The following DPY19L4 variants were observed in gnomAD, a reference collection of about 807,000 sequenced individuals.
The protein encoded by DPY19L4 is dpy-19 like 4.
DPY19L4 carries 97 observed loss-of-function variants against 102.8 expected under a neutral mutation model. The ratio of observed to expected loss-of-function variants is 0.94; its 90% CI spans 0.80 to 1.12. The LOEUF is 1.12. Ranked by LOEUF, DPY19L4 falls within the 50% of genes most tolerant of loss-of-function variation. The pLI, the probability that DPY19L4 is intolerant of heterozygous loss-of-function variation, is 0.00. For synonymous variants in DPY19L4, 252 were observed against 283.1 expected, an observed-to-expected ratio of 0.89 and a Z score of 1.10; for missense variants, 815 against 850.4, an observed-to-expected ratio of 0.96 and a Z score of 0.52.
At chr8:94,778,501 GATA>G (rs894595140) in intron 14 of DPY19L4, among the ~76,000 whole-genome samples, 2 of 152,068 alleles carry the variant, frequency 1.3e-5, no homozygotes, top group African/African-American at 4.8e-5. Context: ...TGTAAAAACA[GATA>G]ATAAGAATTC....
intron 4 of DPY19L4, among the ~76,000 whole-genome samples, chr8:94,739,124 A>T (rs535876924): frequency 1.3e-5 from 2 of 152,226 alleles, no homozygotes; most frequent in South Asian, 4.1e-4. Flanking sequence ...ATCTAGCTGT[A>T]ATTTTGTATC....
intron 13 of DPY19L4, among the ~76,000 whole-genome samples, chr8:94,776,722 T>TG (rs1229370669): frequency 6.6e-6 from 1 of 151,824 alleles, no homozygotes; most frequent in Non-Finnish European, 1.5e-5. Flanking sequence ...CTCAGCACTT[T>TG]GGGAGGCCAA....
At chr8:94,769,552 T>C (rs1418307824) in intron 12 of DPY19L4, among the ~76,000 whole-genome samples, 1 of 152,180 alleles carries the variant, frequency 6.6e-6, no homozygotes, top group Non-Finnish European at 1.5e-5. Flanking sequence ...ATAAGTAATT[T>C]TAAATTATAA....
chr8:94,726,275 A>T, intron 1 of DPY19L4, 56 bp from the exon 2 acceptor site: 2 of 1,441,226 alleles, frequency 1.4e-6, no homozygotes, highest in African/African-American at 1.4e-5. Flanking sequence ...TTGGCTCAGG[A>T]TACAGATTAA....
intron 13 of DPY19L4, among the ~76,000 whole-genome samples, chr8:94,776,963 CAA>C (rs60781801): frequency 9.5e-5 from 9 of 94,448 alleles, no homozygotes; most frequent in Admixed American, 1.0e-4. Flanking sequence ...GACTCCGCTT[CAA>C]AAAAAAAAAA....
intron 1 of DPY19L4, among the ~76,000 whole-genome samples, chr8:94,726,032 G>T: frequency 6.6e-6 from 1 of 152,154 alleles, no homozygotes; most frequent in Non-Finnish European, 1.5e-5. Flanking sequence ...TTGACCCCCA[G>T]TTTGGAAAAG....
intron 6 of DPY19L4, among the ~76,000 whole-genome samples, 185 bp downstream of exon 6, chr8:94,739,975 T>C (rs1055456996): frequency 8.5e-5 from 13 of 152,212 alleles, no homozygotes; most frequent in Admixed American, 6.5e-4. Flanking sequence ...AAGATTACCC[T>C]GTGGGCCTGG....
intron 2 of DPY19L4, among the ~76,000 whole-genome samples, chr8:94,731,860 C>T (rs1224935095): frequency 6.6e-6 from 1 of 152,128 alleles, no homozygotes; most frequent in Non-Finnish European, 1.5e-5. Flanking sequence ...CTCTGCCTCC[C>T]GGGTTCACGC....
chr8:94,762,145 T>G (rs1379168955), intron 8 of DPY19L4, among the ~76,000 whole-genome samples: 1 of 152,176 alleles, frequency 6.6e-6, no homozygotes, highest in Non-Finnish European at 1.5e-5. Flanking sequence ...CTCACAGAGC[T>G]GATACTCAGA....
chr8:94,771,640 G>A (rs1304225195), intron 13 of DPY19L4, among the ~76,000 whole-genome samples: 1 of 152,242 alleles, frequency 6.6e-6, no homozygotes, highest in Non-Finnish European at 1.5e-5. Flanking sequence ...TGAAGGGTGA[G>A]TAGGAGTGGA....
chr8:94,744,694 T>C, intron 6 of DPY19L4: 1 of 381,500 alleles, frequency 2.6e-6, no homozygotes, highest in South Asian at 2.0e-5. Context: ...TAAGACTCTC[T>C]TATGCTACTT....
At chr8:94,731,962 G>A (rs1351731685) in intron 2 of DPY19L4, among the ~76,000 whole-genome samples, 6 of 152,004 alleles carry the variant, frequency 3.9e-5, no homozygotes, top group Non-Finnish European at 7.4e-5. Flanking sequence ...TAGTAGAGAC[G>A]GGGTTTTGCT....
At chr8:94,775,270 C>T (rs2130915018) in intron 13 of DPY19L4, among the ~76,000 whole-genome samples, 1 of 152,064 alleles carries the variant, frequency 6.6e-6, no homozygotes, top group East Asian at 1.9e-4. Context: ...CTCCCAGGTT[C>T]AAGCTATTCT....
intron 8 of DPY19L4, among the ~76,000 whole-genome samples, chr8:94,762,198 C>G (rs1246859454): frequency 6.6e-6 from 1 of 152,174 alleles, no homozygotes; most frequent in Non-Finnish European, 1.5e-5. Context: ...AAGTAGGGCC[C>G]TTCAGAAATG....
chr8:94,768,937 C>T (rs1168582555), intron 12 of DPY19L4, among the ~76,000 whole-genome samples: 3 of 149,984 alleles, frequency 2.0e-5, no homozygotes, highest in Non-Finnish European at 4.4e-5. Context: ...CGCTTGAACC[C>T]GGGAGGCAGA....
chr8:94,769,896 T>C (rs1812847773), intron 12 of DPY19L4, among the ~76,000 whole-genome samples: 3 of 149,624 alleles, frequency 2.0e-5, no homozygotes, highest in Admixed American at 2.0e-4. Flanking sequence ...TTCTTTTTTT[T>C]TTTTTTTTTG....
chr8:94,766,536 C>T, intron 10 of DPY19L4, 76 bp from the exon 11 acceptor site: 1 of 1,354,780 alleles, frequency 7.4e-7, no homozygotes, highest in Non-Finnish European at 1.0e-6. Context: ...TGTTTTCTGT[C>T]TCTAGTATTG....
In DPY19L4 at chr8:94,792,225, A is replaced by G. The variant is rs989989427; in HGVS notation, c.*2315A>G. On this transcript the variant is annotated 3_prime_UTR_variant, in exon 19 of 19. Coordinates refer to ENST00000414645, the MANE Select transcript of DPY19L4 (RefSeq NM_181787.3). ...CTGATACAAGTGCCTTGAATTTATT[A>G]TTATTATTATTTTTTATTTTTTTGA... 8.6e-5 allele frequency: 13 copies of G among 151,826 alleles called. No individual in the cohort carries two copies. Among genetic ancestry groups the G allele is most frequent in the African/African-American group, 3.1e-4 (13 of 41,334 alleles). 9.4% of individuals were successfully genotyped at this position (151,826 alleles called of 1,614,324 possible). A position where few individuals can be genotyped will look rare whatever the true frequency, so the allele number is the denominator to read the frequency against.
intron 3 of DPY19L4, among the ~76,000 whole-genome samples, 196 bp from the exon 4 acceptor site, chr8:94,738,173 C>T (rs1333767508): frequency 6.6e-6 from 1 of 151,554 alleles, no homozygotes; most frequent in African/African-American, 2.4e-5. Flanking sequence ...AAAAAAATAG[C>T]CGGGCGTGGT....
Sources: allele counts gnomAD v4.1 joint callset (sites outside exome capture counted in the v4.1 genomes callset), GRCh38; gene constraint gnomAD v4.1.1; transcripts MANE v1.5; gene names NCBI Gene and HGNC (gene_info 2026-07-23, HGNC 2026-07-21).